The following TNRC6A variants were observed in gnomAD, a reference collection of about 807,000 sequenced individuals.
TNRC6A encodes the protein trinucleotide repeat-containing gene 6A protein.
TNRC6A carries 44 observed loss-of-function variants against 221.2 expected under a neutral mutation model. The ratio of observed to expected loss-of-function variants is 0.20; its 90% CI spans 0.16 to 0.26. The LOEUF is 0.26. TNRC6A is among the 10% of genes least tolerant of loss of function. The pLI, the probability that TNRC6A is intolerant of heterozygous loss-of-function variation, is 1.00. For synonymous variants in TNRC6A, 847 were observed against 838.5 expected (o/e 1.01, Z -0.18); for missense variants, 2,199 against 2,404.4 (o/e 0.91, Z 1.79).
chr16:24,753,941 C>T (rs1596618578), intron 3 of TNRC6A, among the ~76,000 whole-genome samples: 1 of 152,190 alleles, frequency 6.6e-6, no homozygotes, highest in East Asian at 1.9e-4. Flanking sequence ...AATCTCTCTC[C>T]TCCAGCTGGT....
intron 2 of TNRC6A, among the ~76,000 whole-genome samples, chr16:24,647,326 A>C (rs1902347109): frequency 6.6e-6 from 1 of 152,186 alleles, no homozygotes; most frequent in Admixed American, 6.6e-5. Flanking sequence ...AATTGTGTAC[A>C]TGTGTATACG....
chr16:24,633,559 T>G (rs1442367630), intron 1 of TNRC6A, among the ~76,000 whole-genome samples: 1 of 152,044 alleles, frequency 6.6e-6, no homozygotes, highest in Non-Finnish European at 1.5e-5. Context: ...CACACCCAGC[T>G]AATTTTTGTA....
intron 1 of TNRC6A, 104 bp downstream of exon 1, chr16:24,729,950 C>G: frequency 9.6e-7 from 1 of 1,038,610 alleles, no homozygotes; most frequent in Non-Finnish European, 1.2e-6. Context: ...GCCGGGCGTC[C>G]CCGAGACTTC....
In TNRC6A at chr16:24,823,746, C is replaced by T; in HGVS notation, c.5828C>T (p.Pro1943Leu). 2.0e-6 allele frequency: 3 copies of T among 1,518,876 alleles called. No homozygotes were observed. In the East Asian group the frequency reaches 7.1e-5, roughly 36 times the overall value. 94.1% of individuals were successfully genotyped at this position (1,518,876 alleles called of 1,614,324 possible). A position where few individuals can be genotyped will look rare whatever the true frequency, so the allele number is the denominator to read the frequency against. The change falls in exon 25 of 25, where the codon CCA becomes CTA. Residue 1943 changes from proline (P) to leucine (L), a missense_variant. By Grantham distance (98) the Pro-to-Leu change is moderately conservative. This residue lies in a region of TNRC6A where 130 missense variants were observed against 121.7 expected (regional missense o/e 1.07). Coordinates refer to ENST00000395799, the MANE Select transcript of TNRC6A (RefSeq NM_014494.4). The surrounding 1 kb of genome is among the most constrained non-coding windows in gnomAD (Gnocchi z 4.3). Reference protein sequence around the residue: ...SSSDPRGISSPSPINAFLSVD... With the variant: ...SSSDPRGISSLSPINAFLSVD... ...AGCGACCCCCGAGGAATTAGCAGCC[C>T]ATCTCCCATTAACGCTTTTCTTTCT...
In TNRC6A at chr16:24,729,810, CCG is replaced by C; in HGVS notation, c.-28_-27del. On this transcript the variant is annotated 5_prime_UTR_variant, in exon 1 of 25. Coordinates refer to ENST00000395799, the MANE Select transcript of TNRC6A (RefSeq NM_014494.4). ...GCTTGAGGCTCGCGAGCCTCCTTCGCCGCGCCCCACTTGCTCGTGCACTTTAC... is the reference window on the plus strand; with the variant it reads ...GCTTGAGGCTCGCGAGCCTCCTTCGCCGCCCCACTTGCTCGTGCACTTTAC... 1 of 1,409,476 alleles carries C rather than the reference CCG, an allele frequency of 7.1e-7. No individual in the cohort carries two copies. Among genetic ancestry groups the C allele is most frequent in the Non-Finnish European group, 9.3e-7 (1 of 1,074,240 alleles). The allele number at this position is 1,409,476 out of a possible 1,614,324, so 87.3% of individuals were successfully genotyped here. A position where few individuals can be genotyped will look rare whatever the true frequency, so the allele number is the denominator to read the frequency against.
At chr16:24,617,696 A>G (rs543352022) in intron 1 of TNRC6A, among the ~76,000 whole-genome samples, 3 of 152,206 alleles carry the variant, frequency 2.0e-5, no homozygotes, top group South Asian at 2.1e-4. Context: ...GAGAGACTAA[A>G]TAACTCACCC....
At chr16:24,766,952 C>T (rs1408920741) in intron 4 of TNRC6A, among the ~76,000 whole-genome samples, 1 of 152,206 alleles carries the variant, frequency 6.6e-6, no homozygotes, top group Non-Finnish European at 1.5e-5. Flanking sequence ...GCTGGGATTA[C>T]AGGCGTGAGC....
At position 24,812,441 on chromosome 16, in the gene TNRC6A, G is replaced by C. The variant is rs1247939846; in HGVS notation, c.4673-2706G>C. ...ATATGAATCCTAGGTTCGAGACCTAGCTCTGCTACTAATTGACTCTGTTAT... is the reference window on the plus strand; with the variant it reads ...ATATGAATCCTAGGTTCGAGACCTACCTCTGCTACTAATTGACTCTGTTAT... On this transcript the variant is annotated intron_variant, in intron 18 of 24. Coordinates refer to ENST00000395799, the MANE Select transcript of TNRC6A (RefSeq NM_014494.4). Among the ~76,000 whole-genome samples the C allele has an allele frequency of 3.3e-5, 5 of 152,264 alleles. No individual in the cohort carries two copies. In the East Asian group the frequency reaches 7.7e-4, roughly 23 times the overall value.
intron 1 of TNRC6A, among the ~76,000 whole-genome samples, chr16:24,615,352 C>T (rs921996350): frequency 1.3e-5 from 2 of 152,120 alleles, no homozygotes; most frequent in African/African-American, 4.8e-5. Flanking sequence ...TCCCGTGAGA[C>T]ATCCAGAAAG....
intron 21 of TNRC6A, among the ~76,000 whole-genome samples, chr16:24,818,912 C>T (rs191782161): frequency 2.3e-4 from 35 of 152,148 alleles, no homozygotes; most frequent in African/African-American, 8.0e-4. Context: ...GAACAGCTCT[C>T]ATCTCATCTC....
rs1336594588 is a variant in TNRC6A, at chr16:24,820,318, A to G, written c.5260A>G (p.Ile1754Val). The change falls in exon 22 of 25, where the codon ATA (isoleucine) becomes GTA (valine). Residue 1754 changes from isoleucine (I) to valine (V), a missense_variant. This residue lies in a region of TNRC6A where 449 missense variants were observed against 579.7 expected (regional missense o/e 0.77). Coordinates refer to ENST00000395799, the MANE Select transcript of TNRC6A (RefSeq NM_014494.4). The part of the protein sequence containing the change: ...LSTWDNSPLR[I>V]GGGWGNSDAR... ...TACGTGGGATAATTCTCCCCTTCGTATAGGTGGAGGATGGGGAAATTCTGA... is the reference window on the plus strand; with the variant it reads ...TACGTGGGATAATTCTCCCCTTCGTGTAGGTGGAGGATGGGGAAATTCTGA... The G allele has an allele frequency of 2.5e-6, 4 of 1,614,050 alleles. No individual in the cohort carries two copies. The highest frequency in any genetic ancestry group is 2.5e-6 in the Non-Finnish European group (3 of 1,180,036).
At chr16:24,698,191 A>T (rs1003609515) in intron 2 of TNRC6A, among the ~76,000 whole-genome samples, 11 of 152,204 alleles carry the variant, frequency 7.2e-5, no homozygotes, top group East Asian at 5.8e-4. Context: ...AAAACAAAAA[A>T]TGCAGAATCT....
chr16:24,626,685 T>A (rs1415221294), intron 1 of TNRC6A, among the ~76,000 whole-genome samples: 1 of 149,114 alleles, frequency 6.7e-6, no homozygotes, highest in East Asian at 2.0e-4. Flanking sequence ...AGTCTCACTG[T>A]GTCGCCCAGG....
In TNRC6A at chr16:24,805,104, C is replaced by A; in HGVS notation, c.4075C>A (p.Gln1359Lys). The change falls in exon 14 of 25, where the codon CAG becomes AAG. Residue 1359 changes from glutamine to lysine, a missense_variant. Gln to Lys is a moderately conservative substitution (Grantham distance 53). Around this residue, in one of 8 missense-constraint regions of TNRC6A, gnomAD observed 449 missense variants for 579.7 expected, o/e 0.77. Coordinates refer to ENST00000395799, the MANE Select transcript of TNRC6A (RefSeq NM_014494.4). ...QPPAQPLSSS[Q>K]PNLRAQVPPP... ...TCCAGCACAACCTCTTAGTTCATCT[C>A]AGCCTAATCTCCGTGCTCAAGTGCC... The A allele has an allele frequency of 6.2e-7, 1 of 1,614,216 alleles. No individual in the cohort carries two copies.
At chr16:24,617,391 G>A (rs904080295) in intron 1 of TNRC6A, among the ~76,000 whole-genome samples, 2 of 152,224 alleles carry the variant, frequency 1.3e-5, no homozygotes, top group African/African-American at 4.8e-5. Flanking sequence ...CCAAAGTGCT[G>A]GGGTTACAGG....
intron 1 of TNRC6A, among the ~76,000 whole-genome samples, chr16:24,610,955 C>T (rs976368122): frequency 2.6e-5 from 4 of 151,992 alleles, no homozygotes; most frequent in Admixed American, 1.3e-4. Flanking sequence ...GGATTAGAGG[C>T]GCCCACCGCC....
chr16:24,642,691 G>A lies in TNRC6A; in HGVS notation n.402+1682G>A, dbSNP rs1159734887. ...AAAAATTAGCCAGGCATGGTGGCAC[G>A]TGCCTGTAATTCCAGCTACCTGGGA... On this transcript the variant is annotated intron_variant and non_coding_transcript_variant, in intron 2 of 2. Transcript: ENST00000566108. Among the ~76,000 whole-genome samples the A allele has an allele frequency of 2.0e-5, 3 of 151,974 alleles. No homozygotes were observed. In the East Asian group the frequency reaches 5.8e-4, roughly 29 times the overall value.
intron 2 of TNRC6A, among the ~76,000 whole-genome samples, chr16:24,724,537 G>C (rs1490651922): frequency 6.6e-6 from 1 of 152,148 alleles, no homozygotes; most frequent in Non-Finnish European, 1.5e-5. Flanking sequence ...CCTGAGCTCA[G>C]GAGTTGGAGA....
intron 11 of TNRC6A, 83 bp downstream of exon 11, chr16:24,798,049 G>C: frequency 1.6e-6 from 2 of 1,250,838 alleles, no homozygotes; most frequent in African/African-American, 3.0e-5. Flanking sequence ...GAGCCCTGAC[G>C]TAGATCAGGA....
Sources: gnomAD v4.1 joint callset for allele counts (sites outside exome capture counted in the v4.1 genomes callset) on GRCh38, gnomAD v4.1.1 for gene constraint, gnomAD v4.1.1 regional missense constraint, Gnocchi (gnomAD v3.1) non-coding constraint, MANE v1.5 for transcripts, NCBI Gene and HGNC (gene_info 2026-07-23, HGNC 2026-07-21) for gene names.